Variants in ITK observed in about 807,000 individuals in gnomAD.
The protein encoded by ITK is tyrosine-protein kinase ITK/TSK.
Under a neutral mutation model 87.6 loss-of-function variants are expected in ITK, and 45 were observed. The ratio of observed to expected loss-of-function variants is 0.51; its 90% confidence interval spans 0.40 to 0.66. ITK has a LOEUF of 0.66. ITK is among the 30% of genes least tolerant of loss of function. The pLI is 0.00. For synonymous variants in ITK, 303 were observed against 273.6 expected (o/e 1.11, Z -1.06); for missense variants, 605 against 766.3 (o/e 0.79, Z 2.48).
chr5:157,243,224 C>T (rs1251267210), intron 11 of ITK, among the ~76,000 whole-genome samples: 1 of 152,088 alleles, frequency 6.6e-6, no homozygotes, highest in African/African-American at 2.4e-5. Flanking sequence ...CCCCTCTGCC[C>T]CAGTAAGGCC....
At chr5:157,246,991 T>A (rs544750351) in intron 15 of ITK, among the ~76,000 whole-genome samples, 76 of 152,332 alleles carry the variant, frequency 5.0e-4, no homozygotes, top group African/African-American at 1.8e-3. Flanking sequence ...TTGTGCATAC[T>A]AAAGTGTGCA....
chr5:157,241,429 A>G, intron 10 of ITK: 1 of 490,856 alleles, frequency 2.0e-6, no homozygotes, highest in Non-Finnish European at 3.7e-6. Context: ...TTAGCAAGCT[A>G]TCTTGTGGAA....
rs564677116 is a variant in ITK, at chr5:157,211,215, TC to T, written c.244-71del. 3.9e-4 allele frequency: 500 copies of T among 1,278,336 alleles called. 2 individuals carry two copies. In the African/African-American group the frequency reaches 6.9e-3, roughly 18 times the overall value. The allele number at this position is 1,278,336 out of a possible 1,614,324, so 79.2% of individuals were successfully genotyped here. A position where few individuals can be genotyped will look rare whatever the true frequency, so the allele number is the denominator to read the frequency against. Reference sequence around the variant, plus strand: ...AAACACCCGAGACCCCACTCTCGGCTCAGTAGGTCTGCTGTCAGTCAACTAT... The same window carrying T: ...AAACACCCGAGACCCCACTCTCGGCTAGTAGGTCTGCTGTCAGTCAACTAT... On this transcript the variant is annotated intron_variant, in intron 2 of 16. Coordinates refer to ENST00000422843, the MANE Select transcript of ITK (RefSeq NM_005546.4).
At chr5:157,187,341 G>A (rs1348523283) in intron 1 of ITK, among the ~76,000 whole-genome samples, 3 of 152,314 alleles carry the variant, frequency 2.0e-5, no homozygotes, top group South Asian at 4.1e-4. Context: ...AGAGTGTCTG[G>A]CACACACTAT....
Position 157,244,095 on chromosome 5 carries a change from G to T in ITK, c.1233-167G>T, listed in dbSNP as rs1270072908. ...CAGCTGACTCCTTGCCATTTTTCAG[G>T]TCTCAGCTCCAATGACATGTTTTTG... On this transcript the variant is annotated intron_variant, in intron 12 of 16. Coordinates refer to ENST00000422843, the MANE Select transcript of ITK (RefSeq NM_005546.4). 4.2e-6 allele frequency: 3 copies of T among 720,424 alleles called. No individual in the cohort carries two copies. In the Admixed American group the frequency reaches 6.2e-5, roughly 15 times the overall value. The allele number at this position is 720,424 out of a possible 1,614,324, so 44.6% of individuals were successfully genotyped here. A position where few individuals can be genotyped will look rare whatever the true frequency, so the allele number is the denominator to read the frequency against.
chr5:157,210,075 G>T (rs1407843028), intron 2 of ITK, among the ~76,000 whole-genome samples: 1 of 152,084 alleles, frequency 6.6e-6, no homozygotes, highest in African/African-American at 2.4e-5. Flanking sequence ...ACGGGCGTGT[G>T]CCAACACTCC....
intron 10 of ITK, chr5:157,241,169 C>A (rs71591335): frequency 1.3e-5 from 2 of 155,792 alleles, no homozygotes; most frequent in African/African-American, 2.4e-5. Flanking sequence ...AACTCCTGAC[C>A]TCAGGTAATC....
At chr5:157,243,937 C>A in intron 12 of ITK, 143 bp downstream of exon 12, 2 of 804,478 alleles carry the variant, frequency 2.5e-6, no homozygotes, top group Non-Finnish European at 2.1e-6. Flanking sequence ...AGAATACAAT[C>A]AAACTCTTCA....
At chr5:157,245,695 C>G (rs1271492099) in intron 13 of ITK, 31 bp from the exon 14 acceptor site, 2 of 1,598,394 alleles carry the variant, frequency 1.3e-6, no homozygotes, top group Non-Finnish European at 1.7e-6. Context: ...CAGTTTTCCT[C>G]TCCGCCTTTG....
At position 157,253,920 on chromosome 5, in the gene ITK, A is replaced by G. The variant is rs1755200706; in HGVS notation, c.*1242A>G. On this transcript the variant is annotated 3_prime_UTR_variant, in exon 17 of 17. Coordinates refer to ENST00000422843, the MANE Select transcript of ITK (RefSeq NM_005546.4). ...CTGAGCTAGGAGACTTCCCTGCAAAATCTCTGTTCACCCTGGGTTCACATC... is the reference window on the plus strand; with the variant it reads ...CTGAGCTAGGAGACTTCCCTGCAAAGTCTCTGTTCACCCTGGGTTCACATC... 4.5e-6 allele frequency: 1 copy of G among 221,766 alleles called. No homozygotes were observed. Among genetic ancestry groups the G allele is most frequent in the Non-Finnish European group, 9.0e-6 (1 of 111,010 alleles). The allele number at this position is 221,766 out of a possible 1,614,324, so 13.7% of individuals were successfully genotyped here.
At chr5:157,187,592 C>T (rs972384467) in intron 1 of ITK, among the ~76,000 whole-genome samples, 41 of 152,054 alleles carry the variant, frequency 2.7e-4, no homozygotes, top group African/African-American at 9.7e-4. Context: ...TGTGGCCTAT[C>T]GTTGAACAAG....
intron 5 of ITK, among the ~76,000 whole-genome samples, chr5:157,218,550 G>A (rs1343739058): frequency 1.3e-5 from 2 of 149,792 alleles, no homozygotes; most frequent in African/African-American, 2.5e-5. Context: ...TCTACTCTTC[G>A]CAAGCATTTT....
intron 1 of ITK, among the ~76,000 whole-genome samples, chr5:157,191,365 C>G (rs1353065819): frequency 1.3e-5 from 2 of 152,122 alleles, no homozygotes; most frequent in Non-Finnish European, 2.9e-5. Flanking sequence ...CTCAGATAGA[C>G]AGTAGCAGCA....
At chr5:157,190,281 A>G (rs1045492954) in intron 1 of ITK, among the ~76,000 whole-genome samples, 1 of 152,192 alleles carries the variant, frequency 6.6e-6, no homozygotes, top group African/African-American at 2.4e-5. Context: ...TTTTCCCCCC[A>G]AACTTCATAT....
At chr5:157,205,098 T>C (rs1184447002) in intron 1 of ITK, among the ~76,000 whole-genome samples, 3 of 152,232 alleles carry the variant, frequency 2.0e-5, no homozygotes, top group African/African-American at 7.2e-5. Flanking sequence ...CCTTAACTTC[T>C]TTAATTGGGA....
chr5:157,253,843 A>G lies in ITK; in HGVS notation c.*1165A>G, dbSNP rs1378895949. On this transcript the variant is annotated 3_prime_UTR_variant, in exon 17 of 17. Coordinates refer to ENST00000422843, the MANE Select transcript of ITK (RefSeq NM_005546.4). Reference sequence around the variant, plus strand: ...ACTGACTGGGGTGCTTCCAAGAGGCATGAGAGTGCCTACTCTGGCTTGAGC... The same window carrying G: ...ACTGACTGGGGTGCTTCCAAGAGGCGTGAGAGTGCCTACTCTGGCTTGAGC... The G allele has an allele frequency of 4.5e-6, 1 of 222,546 alleles. No homozygotes were observed. Among genetic ancestry groups the G allele is most frequent in the East Asian group, 6.5e-5 (1 of 15,276 alleles). The allele number at this position is 222,546 out of a possible 1,614,324, so 13.8% of individuals were successfully genotyped here.
At chr5:157,187,757 C>T (rs1248099490) in intron 1 of ITK, among the ~76,000 whole-genome samples, 1 of 151,936 alleles carries the variant, frequency 6.6e-6, no homozygotes, top group Non-Finnish European at 1.5e-5. Flanking sequence ...CCTGTCTTAC[C>T]CCTCCTTCCT....
intron 5 of ITK, among the ~76,000 whole-genome samples, chr5:157,221,924 G>A (rs1471028827): frequency 1.3e-5 from 2 of 152,064 alleles, no homozygotes; most frequent in Non-Finnish European, 1.5e-5. Context: ...GCCGAGGCAG[G>A]AGGGTCACTT....
chr5:157,250,145 T>C (rs904118920), intron 16 of ITK, among the ~76,000 whole-genome samples: 2 of 152,220 alleles, frequency 1.3e-5, no homozygotes, highest in Non-Finnish European at 2.9e-5. Context: ...TTTCACAAAT[T>C]CATGTATCCA....
Sources: gnomAD v4.1 joint callset for allele counts (sites outside exome capture counted in the v4.1 genomes callset) on GRCh38, gnomAD v4.1.1 for gene constraint, MANE v1.5 for transcripts, NCBI Gene and HGNC (gene_info 2026-07-23, HGNC 2026-07-21) for gene names.